Variants in CSNK1G1 observed in about 807,000 individuals in gnomAD.
CSNK1G1 encodes casein kinase 1 gamma 1.
In CSNK1G1, 22 loss-of-function variants were observed where a neutral mutation model predicts 59.6. That is an observed-to-expected ratio of 0.37 (90% CI 0.26 to 0.53). The LOEUF (loss-of-function observed/expected upper bound fraction) is 0.53, where lower values mean the gene tolerates loss of function less well. Among genes scored for constraint, CSNK1G1 ranks in the 20% least tolerant of loss-of-function variants. CSNK1G1 has a pLI of 0.89. For missense variants in CSNK1G1, 384 were observed against 519.5 expected (o/e 0.74, Z 2.54); for synonymous variants, 179 against 177.1 (o/e 1.01, Z -0.08).
intron 1 of CSNK1G1, among the ~76,000 whole-genome samples, chr15:64,306,331 T>A (rs528187457): frequency 6.6e-6 from 1 of 152,218 alleles, no homozygotes; most frequent in African/African-American, 2.4e-5. Context: ...AGCAAAATAT[T>A]TGAATCAGAC....
chr15:64,281,713 G>C (rs547814729), intron 2 of CSNK1G1, among the ~76,000 whole-genome samples: 1 of 151,414 alleles, frequency 6.6e-6, no homozygotes, highest in Non-Finnish European at 1.5e-5. Flanking sequence ...GGTGGCGAGC[G>C]CCTGTAATCT....
rs1251217508 is a variant in CSNK1G1, at chr15:64,320,095, C to CAA, written c.-224-19373_-224-19372insTT. On this transcript the variant is annotated intron_variant, in intron 1 of 11. Transcript: ENST00000303052. ...AATTTTTGTTTAGTTTTTGTAGAGA[C>CAA]AGAGTCTCACCATGTTTCTCAGGTT... Among the ~76,000 whole-genome samples the CAA allele has an allele frequency of 3.3e-5, 5 of 151,892 alleles. No homozygotes were observed. In the East Asian group the frequency reaches 5.8e-4, roughly 18 times the overall value.
Position 64,200,327 on chromosome 15 carries a change from C to A in CSNK1G1, c.1107+2755G>T, listed in dbSNP as rs1404559351. Among the ~76,000 whole-genome samples, 1 of 152,042 alleles carries A rather than the reference C, an allele frequency of 6.6e-6. No individual in the cohort carries two copies. Among genetic ancestry groups the A allele is most frequent in the African/African-American group, 2.4e-5 (1 of 41,390 alleles). On this transcript the variant is annotated intron_variant, in intron 10 of 11. Transcript: ENST00000303052. This position sits in a 1 kb window ranked among gnomAD's most constrained non-coding sequence, Gnocchi z 4.3. ...TTTACATACATTTTCTACTTAAATGCATTTTTGTTTTTTGAGATGGAGTTT... is the reference window on the plus strand; with the variant it reads ...TTTACATACATTTTCTACTTAAATGAATTTTTGTTTTTTGAGATGGAGTTT...
chr15:64,258,470 T>C (rs1295460825), intron 3 of CSNK1G1, among the ~76,000 whole-genome samples: 1 of 152,108 alleles, frequency 6.6e-6, no homozygotes, highest in African/African-American at 2.4e-5. Context: ...TTAACTCCTC[T>C]GGCTTCCAAC....
At chr15:64,325,850 G>A (rs1422520899) in intron 1 of CSNK1G1, among the ~76,000 whole-genome samples, 1 of 152,176 alleles carries the variant, frequency 6.6e-6, no homozygotes, top group Non-Finnish European at 1.5e-5. Context: ...AAATGGCAGA[G>A]ACAGAGACGG....
At chr15:64,271,195 C>G (rs1244330733) in intron 2 of CSNK1G1, among the ~76,000 whole-genome samples, 2 of 152,098 alleles carry the variant, frequency 1.3e-5, no homozygotes, top group Non-Finnish European at 2.9e-5. Context: ...ACCATGTTGG[C>G]CAGGCTGGTC....
chr15:64,307,822 G>A (rs1424392170), intron 1 of CSNK1G1, among the ~76,000 whole-genome samples: 1 of 152,126 alleles, frequency 6.6e-6, no homozygotes, highest in African/African-American at 2.4e-5. Flanking sequence ...GAGTAGCTGG[G>A]ACTACAGGTG....
chr15:64,222,381 G>A (rs1413266365), intron 4 of CSNK1G1, among the ~76,000 whole-genome samples: 1 of 138,330 alleles, frequency 7.2e-6, no homozygotes, highest in Non-Finnish European at 1.5e-5. Context: ...TTCTGCACAT[G>A]TATCCCGTTT....
chr15:64,347,748 C>T (rs748415112), intron 1 of CSNK1G1, among the ~76,000 whole-genome samples: 4 of 152,056 alleles, frequency 2.6e-5, no homozygotes, highest in Non-Finnish European at 4.4e-5. Flanking sequence ...TGGCTCCTAC[C>T]TGTAATCCCA....
At chr15:64,255,269 G>A (rs751029473) in intron 3 of CSNK1G1, among the ~76,000 whole-genome samples, 11 of 148,324 alleles carry the variant, frequency 7.4e-5, no homozygotes, top group Non-Finnish European at 1.3e-4. Flanking sequence ...TAGAGACGAG[G>A]TTTTACCATA....
intron 10 of CSNK1G1, among the ~76,000 whole-genome samples, chr15:64,185,734 C>T (rs978234652): frequency 4.0e-5 from 6 of 151,778 alleles, no homozygotes; most frequent in Admixed American, 1.3e-4. Context: ...TGTGGTGGCA[C>T]GTGCCTGTAA....
chr15:64,345,204 T>C (rs1035499027), intron 1 of CSNK1G1, among the ~76,000 whole-genome samples: 1 of 152,220 alleles, frequency 6.6e-6, no homozygotes, highest in Non-Finnish European at 1.5e-5. Context: ...TAGCTAACAA[T>C]TAGTACTCAG....
intron 4 of CSNK1G1, among the ~76,000 whole-genome samples, chr15:64,247,740 G>C (rs1891833829): frequency 6.6e-6 from 1 of 152,126 alleles, no homozygotes; most frequent in Admixed American, 6.5e-5. Context: ...GGTCCAAAAG[G>C]CCAAGGTAAT....
In CSNK1G1 at chr15:64,193,491, C is replaced by CAAAAAAAAA. The variant is rs10631811; in HGVS notation, c.1107+9582_1107+9590dup. 8.3e-3 allele frequency among the ~76,000 whole-genome samples: 1,091 copies of CAAAAAAAAA among 131,878 alleles called. 39 individuals carry two copies. The highest frequency in any genetic ancestry group is 0.03 in the African/African-American group (994 of 33,500). 86.5% of individuals were successfully genotyped at this position (131,878 alleles called of 152,430 possible). ...TGGGCAACAGAGTGAGACTCTGTCT[C>CAAAAAAAAA]AAAAAAAAAAAAGTATATACTTGAA... On this transcript the variant is annotated intron_variant, in intron 10 of 11. Coordinates refer to ENST00000303052, the MANE Select transcript of CSNK1G1 (RefSeq NM_022048.5).
intron 2 of CSNK1G1, among the ~76,000 whole-genome samples, chr15:64,284,370 G>C (rs766616996): frequency 1.7e-4 from 26 of 152,108 alleles, no homozygotes; most frequent in Non-Finnish European, 3.2e-4. Context: ...CTGAGATTCT[G>C]ATAAGGACTG....
At chr15:64,321,527 G>A (rs1896565996) in intron 1 of CSNK1G1, among the ~76,000 whole-genome samples, 1 of 152,120 alleles carries the variant, frequency 6.6e-6, no homozygotes, top group Non-Finnish European at 1.5e-5. Flanking sequence ...ACCTCCCAAA[G>A]GGCTGGGATT....
intron 4 of CSNK1G1, among the ~76,000 whole-genome samples, chr15:64,239,815 T>C (rs2082670474): frequency 1.3e-5 from 2 of 152,056 alleles, no homozygotes; most frequent in African/African-American, 4.8e-5. Flanking sequence ...ACCAAACAGA[T>C]TTCCCACAGA....
chr15:64,228,607 G>T (rs1001555362), intron 4 of CSNK1G1, among the ~76,000 whole-genome samples: 1 of 152,150 alleles, frequency 6.6e-6, no homozygotes, highest in African/African-American at 2.4e-5. Flanking sequence ...CTGTACTCCA[G>T]CCTGGCAACA....
chr15:64,205,095 TGTA>T, intron 7 of CSNK1G1, 146 bp from the exon 8 acceptor site: 1 of 552,236 alleles, frequency 1.8e-6, no homozygotes, highest in Non-Finnish European at 3.2e-6. Flanking sequence ...AAATAAGAAA[TGTA>T]GTAGAAATTA....
Sources: allele counts gnomAD v4.1 joint callset (sites outside exome capture counted in the v4.1 genomes callset), GRCh38; gene constraint gnomAD v4.1.1; non-coding constraint Gnocchi (gnomAD v3.1); transcripts MANE v1.5; gene names NCBI Gene and HGNC (gene_info 2026-07-23, HGNC 2026-07-21).